Variants in NDST4 observed in about 807,000 individuals in gnomAD.
NDST4 encodes N-heparan sulfate sulfotransferase 4.
NDST4 carries 63 observed loss-of-function variants against 100.8 expected under a neutral mutation model. The observed-to-expected ratio is 0.62, with a 90% CI of 0.51 to 0.77. The LOEUF is 0.77. NDST4 is among the 30% of genes least tolerant of loss of function. The probability of loss-of-function intolerance (pLI) is 0.00; values close to 1 mark genes in which losing one functional copy is unlikely to be tolerated. For missense variants in NDST4, 943 were observed against 1,018.4 expected (o/e 0.93, Z 1.01); for synonymous variants, 377 against 361.8 (o/e 1.04, Z -0.48).
chr4:114,966,870 T>C (rs534981347), intron 4 of NDST4, among the ~76,000 whole-genome samples: 8 of 152,134 alleles, frequency 5.3e-5, no homozygotes, highest in Non-Finnish European at 1.2e-4. Context: ...TGAGTTGATG[T>C]AAATTAATTA....
At chr4:114,946,262 C>T (rs867543096) in intron 4 of NDST4, among the ~76,000 whole-genome samples, 1 of 151,602 alleles carries the variant, frequency 6.6e-6, no homozygotes, top group Non-Finnish European at 1.5e-5. Flanking sequence ...TCATTTTATT[C>T]ATGGTGAGGA....
At chr4:115,091,870 T>G (rs1447075211) in intron 1 of NDST4, among the ~76,000 whole-genome samples, 1 of 152,178 alleles carries the variant, frequency 6.6e-6, no homozygotes, top group Non-Finnish European at 1.5e-5. Flanking sequence ...TAAAATTTGT[T>G]AAAGTATTTT....
chr4:114,953,100 C>G (rs1726058555), intron 4 of NDST4, among the ~76,000 whole-genome samples: 1 of 148,522 alleles, frequency 6.7e-6, no homozygotes, highest in South Asian at 2.1e-4. Flanking sequence ...CTTTGCAGTG[C>G]TGCGTGGTGG....
At position 115,076,329 on chromosome 4, in the gene NDST4, A is replaced by C. The variant is rs34134859; in HGVS notation, c.708T>G (p.Thr236=). The part of the protein sequence containing the change: ...NHSTYQPVLL[T]ELQTEKSLSS... ...ACAGGGATTTTTCTGTCTGTAACTC[A>C]GTTAAAAGTACAGGCTGGTAGGTTG... Residue 236 remains threonine, a synonymous_variant, in exon 2 of 14, where the codon ACT becomes ACG. Coordinates refer to ENST00000264363, the MANE Select transcript of NDST4 (RefSeq NM_022569.3). The C allele has an allele frequency of 8.1e-3, 13,052 of 1,613,990 alleles. 933 individuals are homozygous for C. The African/African-American group carries it at 0.15, about 19-fold the overall frequency.
At chr4:115,104,117 CAAAG>C (rs1729790866) in intron 1 of NDST4, among the ~76,000 whole-genome samples, 2 of 151,948 alleles carry the variant, frequency 1.3e-5, no homozygotes, top group South Asian at 4.2e-4. Context: ...TTTGGGGAAA[CAAAG>C]AATAGGAGTG....
intron 2 of NDST4, among the ~76,000 whole-genome samples, chr4:115,000,758 T>C (rs1200986564): frequency 6.6e-6 from 1 of 152,176 alleles, no homozygotes; most frequent in Admixed American, 6.6e-5. Flanking sequence ...CTTTCCATTA[T>C]GATCTTTGAT....
rs961643243 is a variant in NDST4 at position 115,019,109 on chromosome 4, A to G, written c.979-41835T>C. On this transcript the variant is annotated intron_variant, in intron 2 of 13. Coordinates refer to ENST00000264363, the MANE Select transcript of NDST4 (RefSeq NM_022569.3). ...ACTCACCATTCCTTCTGGATACTAC[A>G]TTAACTGGTTTTTATTTAACTAATA... Among the ~76,000 whole-genome samples, 27 of 152,006 alleles carry G rather than the reference A, an allele frequency of 1.8e-4. 1 individual carries two copies. Among genetic ancestry groups the G allele is most frequent in the Non-Finnish European group, 4.0e-4 (27 of 67,970 alleles).
intron 7 of NDST4, among the ~76,000 whole-genome samples, chr4:114,862,116 G>T (rs1010612331): frequency 3.9e-5 from 6 of 152,098 alleles, no homozygotes; most frequent in African/African-American, 1.4e-4. Context: ...TTTGTAGAAT[G>T]ACTTAGGACA....
chr4:114,943,843 G>A lies in NDST4; in HGVS notation c.1222-6340C>T, dbSNP rs1246084011. 2.0e-5 allele frequency among the ~76,000 whole-genome samples: 3 copies of A among 152,056 alleles called. No individual in the cohort carries two copies. In the East Asian group the frequency reaches 5.8e-4, roughly 29 times the overall value. On this transcript the variant is annotated intron_variant, in intron 4 of 13. Transcript: ENST00000264363. ...TATTAGGGGACTAAATAGTTGGGGG[G>A]AATAGATGAGTTAAGAATTCCTCTG... is the stretch of plus-strand genomic sequence containing the variant.
chr4:115,085,023 A>AG (rs1049984838), intron 1 of NDST4, among the ~76,000 whole-genome samples: 19 of 152,290 alleles, frequency 1.2e-4, no homozygotes, highest in African/African-American at 4.3e-4. Flanking sequence ...AGCAGATGTG[A>AG]GGGGGGCTGT....
chr4:115,000,067 A>G (rs1028143051), intron 2 of NDST4, among the ~76,000 whole-genome samples: 1 of 151,908 alleles, frequency 6.6e-6, no homozygotes. Flanking sequence ...ATGCCATAGC[A>G]TTAGCTATGT....
At chr4:115,019,854 T>C (rs1727770986) in intron 2 of NDST4, among the ~76,000 whole-genome samples, 1 of 152,088 alleles carries the variant, frequency 6.6e-6, no homozygotes, top group African/African-American at 2.4e-5. Context: ...AACTCAATTG[T>C]GCTTTTGCCT....
intron 7 of NDST4, among the ~76,000 whole-genome samples, chr4:114,865,530 T>C (rs1724009679): frequency 6.6e-6 from 1 of 152,352 alleles, no homozygotes; most frequent in Non-Finnish European, 1.5e-5. Context: ...TATGCACTCA[T>C]ATATGACATT....
At chr4:115,109,587 T>C (rs1729900610) in intron 1 of NDST4, among the ~76,000 whole-genome samples, 1 of 151,942 alleles carries the variant, frequency 6.6e-6, no homozygotes, top group Admixed American at 6.6e-5. Flanking sequence ...TCAACAAAAG[T>C]CTCGCTTCTG....
chr4:114,871,692 T>C (rs1724151984), intron 6 of NDST4, among the ~76,000 whole-genome samples: 1 of 152,016 alleles, frequency 6.6e-6, no homozygotes, highest in Non-Finnish European at 1.5e-5. Flanking sequence ...ATTGCAAAAT[T>C]CTGATTGAAA....
At chr4:114,921,124 A>T (rs932676818) in intron 6 of NDST4, among the ~76,000 whole-genome samples, 1 of 152,208 alleles carries the variant, frequency 6.6e-6, no homozygotes, top group Admixed American at 6.5e-5. Context: ...AAAAATTAAA[A>T]CACCTTAAAA....
intron 2 of NDST4, among the ~76,000 whole-genome samples, chr4:115,050,049 A>C (rs1728551570): frequency 6.6e-6 from 1 of 152,010 alleles, no homozygotes; most frequent in Non-Finnish European, 1.5e-5. Flanking sequence ...TTTTTAAAAA[A>C]TCTCTCACCT....
intron 6 of NDST4, among the ~76,000 whole-genome samples, chr4:114,871,809 C>G (rs1724154655): frequency 6.6e-6 from 1 of 151,824 alleles, no homozygotes; most frequent in African/African-American, 2.4e-5. Flanking sequence ...ATTTAATTGT[C>G]TTAAAAATTC....
intron 2 of NDST4, among the ~76,000 whole-genome samples, chr4:115,050,930 G>T (rs1394293781): frequency 6.6e-6 from 1 of 152,008 alleles, no homozygotes; most frequent in Non-Finnish European, 1.5e-5. Flanking sequence ...TCTATTCCAG[G>T]AGAAAATCCC....
Sources: gnomAD v4.1 joint callset for allele counts (sites outside exome capture counted in the v4.1 genomes callset) on GRCh38, gnomAD v4.1.1 for gene constraint, MANE v1.5 for transcripts, NCBI Gene and HGNC (gene_info 2026-07-23, HGNC 2026-07-21) for gene names.